The following NOB1 variants were observed in gnomAD, a reference collection of about 807,000 sequenced individuals.
The protein encoded by NOB1 is NIN1 (RPN12) binding protein 1 homolog.
In NOB1, 44 loss-of-function variants were observed where a neutral mutation model predicts 44.8. That is an observed-to-expected ratio of 0.98 (90% CI 0.77 to 1.26). NOB1 has a LOEUF of 1.26. Among genes scored for constraint, NOB1 ranks in the 50% most tolerant of loss-of-function variants. The pLI, the probability that NOB1 is intolerant of heterozygous loss-of-function variation, is 0.00. For missense variants in NOB1, 560 were observed against 544.8 expected (o/e 1.03, Z -0.28); for synonymous variants, 238 against 218.7 (o/e 1.09, Z -0.78).
At chr16:69,750,603 A>G (rs1359187604) in intron 3 of NOB1, among the ~76,000 whole-genome samples, 3 of 152,184 alleles carry the variant, frequency 2.0e-5, no homozygotes, top group Non-Finnish European at 4.4e-5. Flanking sequence ...ACTCCAGCCC[A>G]GGTGATGACA....
Position 69,745,031 on chromosome 16 carries a change from A to G in NOB1, c.825-14T>C. The G allele has an allele frequency of 6.2e-7, 1 of 1,614,038 alleles. No homozygotes were observed. Among genetic ancestry groups the G allele is most frequent in the Non-Finnish European group, 8.5e-7 (1 of 1,179,988 alleles). ...TCAGACGTTGTCCTGGGAGACACAA[A>G]AGGAGATGATCTGTACCAAAGCCAC... On this transcript the variant is annotated splice_polypyrimidine_tract_variant and intron_variant, in intron 7 of 8. Coordinates refer to ENST00000268802, the MANE Select transcript of NOB1 (RefSeq NM_014062.3).
chr16:69,749,568 C>T lies in NOB1; in HGVS notation c.390G>A (p.Leu130=), dbSNP rs755647027. Residue 130 remains leucine (L), a synonymous_variant, in exon 4 of 9, where the codon CTG becomes CTA. Coordinates refer to ENST00000268802, the MANE Select transcript of NOB1 (RefSeq NM_014062.3). ...ETPLHISGFH[L]PYKPKPPQET... ...TTGTCTAAGAAATTACCTTGTAGGG[C>T]AGATGGAAACCAGAAATGTGCAGAG... is the stretch of plus-strand genomic sequence containing the variant. 6.2e-7 allele frequency: 1 copy of T among 1,613,334 alleles called. No homozygotes were observed. The highest frequency in any genetic ancestry group is 1.1e-5 in the South Asian group (1 of 90,990).
chr16:69,754,799 A>T (rs369981499), intron 1 of NOB1, 49 bp downstream of exon 1: 3 of 1,609,412 alleles, frequency 1.9e-6, no homozygotes, highest in African/African-American at 2.7e-5. Flanking sequence ...GCACTCCGGG[A>T]GGGGCGGCCA....
Position 69,742,530 on chromosome 16 carries a change from A to G in NOB1, c.1041T>C (p.Pro347=). The G allele has an allele frequency of 1.2e-6, 2 of 1,614,098 alleles. No individual in the cohort carries two copies. The highest frequency in any genetic ancestry group is 2.2e-5 in the South Asian group (2 of 91,084). The part of the protein sequence containing the change: ...NPHLTEDQRF[P]QLRLSQKARQ... Reference sequence around the variant, plus strand: ...TGGCCTTTTGGGAGAGTCGCAGCTGAGGGAAGCGCTGATCCTCGGTGAGAT... The same window carrying G: ...TGGCCTTTTGGGAGAGTCGCAGCTGGGGGAAGCGCTGATCCTCGGTGAGAT... Residue 347 remains proline, a synonymous_variant, in exon 9 of 9, where the codon CCT becomes CCC. Coordinates refer to ENST00000268802, the MANE Select transcript of NOB1 (RefSeq NM_014062.3).
rs537741543 is a variant in NOB1 at position 69,741,966 on chromosome 16, G to C, written c.*366C>G. On this transcript the variant is annotated 3_prime_UTR_variant, in exon 9 of 9. Transcript: ENST00000268802. ...GGCACACAGCTCAAGTATCAGCCTT[G>C]AGATGACCTAAGCAGCAAAAATTTG... 1 of 207,824 alleles carries C rather than the reference G, an allele frequency of 4.8e-6. No individual in the cohort carries two copies. Among genetic ancestry groups the C allele is most frequent in the South Asian group, 9.3e-5 (1 of 10,750 alleles). 12.9% of individuals were successfully genotyped at this position (207,824 alleles called of 1,614,324 possible).
rs1033011683 is a variant in NOB1 at position 69,750,948 on chromosome 16, G to A, written c.327+1293C>T. Among the ~76,000 whole-genome samples, 5 of 152,318 alleles carry A rather than the reference G, an allele frequency of 3.3e-5. No homozygotes were observed. In the East Asian group the frequency reaches 9.6e-4, roughly 29 times the overall value. ...TCTGGCTTAGAAATAGACAATGGGT[G>A]CAGGCACAAATGTATCAGTCTCTTC... On this transcript the variant is annotated intron_variant, in intron 3 of 8. Transcript: ENST00000268802.
At position 69,749,332 on chromosome 16, in the gene NOB1, G is replaced by T; in HGVS notation, c.406C>A (p.Pro136Thr). The change falls in exon 5 of 9, where the codon CCC becomes ACC. Residue 136 changes from proline (P) to threonine (T), a missense_variant. By Grantham distance (38) the Pro-to-Thr change is conservative (BLOSUM62 -1). Coordinates refer to ENST00000268802, the MANE Select transcript of NOB1 (RefSeq NM_014062.3). Reference sequence around the variant, plus strand: ...TGTCCTTTTTCTGTTTCTTGTGGGGGTTTAGGCTGAAATTAAAAGAAACAA... The same window carrying T: ...TGTCCTTTTTCTGTTTCTTGTGGGGTTTTAGGCTGAAATTAAAAGAAACAA... ...SGFHLPYKPK[P>T]PQETEKGHSA... The T allele has an allele frequency of 1.9e-6, 3 of 1,585,456 alleles. No individual in the cohort carries two copies. The South Asian group carries it at 3.5e-5, about 18-fold the overall frequency.
rs962152233 is a variant in NOB1, at chr16:69,742,029, T to G, written c.*303A>C. ...AAATGCACAGGAGGTTGCAGCCGCA[T>G]TTATTAGAAAAATATTATCCTTTGG... On this transcript the variant is annotated 3_prime_UTR_variant, in exon 9 of 9. Transcript: ENST00000268802. 1.0e-4 allele frequency: 31 copies of G among 307,782 alleles called. No individual in the cohort carries two copies. The Middle Eastern group carries it at 3.0e-3, about 29-fold the overall frequency. 19.1% of individuals were successfully genotyped at this position (307,782 alleles called of 1,614,324 possible).
At chr16:69,749,158 G>C (rs775878759) in intron 5 of NOB1, 40 bp from the exon 6 acceptor site, 1 of 1,613,694 alleles carries the variant, frequency 6.2e-7, no homozygotes, top group Non-Finnish European at 8.5e-7. Flanking sequence ...CAACCCACAG[G>C]AGCAGTGGAG....
intron 4 of NOB1, 55 bp downstream of exon 4, chr16:69,749,504 G>A: frequency 6.4e-7 from 1 of 1,555,596 alleles, no homozygotes; most frequent in East Asian, 2.2e-5. Context: ...GACTTAGAGA[G>A]ATGTGACATG....
intron 2 of NOB1, among the ~76,000 whole-genome samples, chr16:69,753,577 A>G (rs773818231): frequency 6.6e-6 from 1 of 152,210 alleles, no homozygotes; most frequent in Non-Finnish European, 1.5e-5. Flanking sequence ...CAAAAGTACT[A>G]TTAGTATTTC....
intron 1 of NOB1, 40 bp downstream of exon 1, chr16:69,754,808 C>G: frequency 6.2e-7 from 1 of 1,608,784 alleles, no homozygotes; most frequent in South Asian, 1.1e-5. Context: ...GAGGGGCGGC[C>G]AGCCCAGATC....
intron 8 of NOB1, 108 bp downstream of exon 8, chr16:69,744,765 G>GAACCTTC (rs1567641916): frequency 1.5e-6 from 2 of 1,295,102 alleles, no homozygotes; most frequent in Non-Finnish European, 2.1e-6. Flanking sequence ...CTAGGTCACA[G>GAACCTTC]GCTTTCAATC....
In NOB1 at chr16:69,754,913, T is replaced by C. The variant is rs747730474; in HGVS notation, c.-3A>G. On this transcript the variant is annotated 5_prime_UTR_variant, in exon 1 of 9. Transcript: ENST00000268802. ...ACAACGTGCTCCACTGGAGCCATGT[T>C]GGCTGCGTGAGAGGGGAGCGCGCAT... 3.8e-6 allele frequency: 6 copies of C among 1,579,132 alleles called. No individual in the cohort carries two copies. The South Asian group carries it at 4.6e-5, about 12-fold the overall frequency.
intron 8 of NOB1, among the ~76,000 whole-genome samples, chr16:69,743,138 G>A (rs1005623311): frequency 6.6e-6 from 1 of 152,128 alleles, no homozygotes; most frequent in Non-Finnish European, 1.5e-5. Flanking sequence ...GGCCACACAT[G>A]GCACAACGCG....
rs140707395 is a variant in NOB1, at chr16:69,748,968, C to T, written c.676G>A (p.Val226Ile). 119 of 1,613,994 alleles carry T rather than the reference C, an allele frequency of 7.4e-5. No individual in the cohort carries two copies. The African/African-American group carries it at 1.1e-3, about 15-fold the overall frequency. ...QIQQELEQCD[V>I]PEDVRVGCLT... ...CAGCCAACCCGCACGTCCTCGGGGA[C>T]GTCACACTGCTCCAGCTCCTGCTGG... The change falls in exon 6 of 9, where the codon GTC (valine) becomes ATC (isoleucine). Residue 226 changes from valine (V) to isoleucine (I), a missense_variant. Coordinates refer to ENST00000268802, the MANE Select transcript of NOB1 (RefSeq NM_014062.3).
intron 2 of NOB1, among the ~76,000 whole-genome samples, chr16:69,753,362 G>A (rs904358292): frequency 6.6e-6 from 1 of 152,196 alleles, no homozygotes; most frequent in African/African-American, 2.4e-5. Context: ...ATTCTCCAGA[G>A]TCATCCATAA....
chr16:69,744,450 C>T (rs1179248677), intron 8 of NOB1, among the ~76,000 whole-genome samples: 4 of 152,160 alleles, frequency 2.6e-5, no homozygotes, highest in Non-Finnish European at 5.9e-5. Context: ...TGGGAGAAGC[C>T]AGTGCCACTC....
chr16:69,745,117 G>T, intron 7 of NOB1, 100 bp from the exon 8 acceptor site: 1 of 1,286,992 alleles, frequency 7.8e-7, no homozygotes. Context: ...AAGAAACAGG[G>T]AAGGGCTGAA....
Sources: gnomAD v4.1 joint callset for allele counts (sites outside exome capture counted in the v4.1 genomes callset) on GRCh38, gnomAD v4.1.1 for gene constraint, MANE v1.5 for transcripts, NCBI Gene and HGNC (gene_info 2026-07-23, HGNC 2026-07-21) for gene names.